SH3BP5: variants seen among roughly 807,000 people sequenced by gnomAD.
The protein encoded by SH3BP5 is SH3 domain-binding protein 5.
In SH3BP5, 22 loss-of-function variants were observed where a neutral mutation model predicts 43.3. The ratio of observed to expected loss-of-function variants is 0.51; its 90% confidence interval spans 0.36 to 0.73. The LOEUF (loss-of-function observed/expected upper bound fraction) is 0.73, where lower values mean the gene tolerates loss of function less well. Ranked by LOEUF, SH3BP5 falls within the 30% of genes least tolerant of loss-of-function variation. The pLI, the probability that SH3BP5 is intolerant of heterozygous loss-of-function variation, is 0.00. For synonymous variants in SH3BP5, 255 were observed against 225.8 expected, an observed-to-expected ratio of 1.13 and a Z score of -1.16; for missense variants, 529 against 586.9, an observed-to-expected ratio of 0.90 and a Z score of 1.02.
At chr3:15,320,640 A>ACACACACACACACACCCCC (rs373879792) in intron 2 of SH3BP5, among the ~76,000 whole-genome samples, 1 of 149,560 alleles carries the variant, frequency 6.7e-6, no homozygotes, top group African/African-American at 2.5e-5. Flanking sequence ...ACACACACAC[A>ACACACACACACACACCCCC]CCCCACTACG....
chr3:15,340,682 C>T (rs747375671), intron 1 of SH3BP5, among the ~76,000 whole-genome samples: 2 of 151,956 alleles, frequency 1.3e-5, no homozygotes, highest in African/African-American at 2.4e-5. Flanking sequence ...ACTCCATAGG[C>T]GGAGGTTGCA....
chr3:15,296,339 T>TATAC (rs1553616948), intron 3 of SH3BP5, among the ~76,000 whole-genome samples: 1 of 126,492 alleles, frequency 7.9e-6, no homozygotes, highest in Admixed American at 7.2e-5. Context: ...GGGGAAATCA[T>TATAC]ATACACACAC....
At chr3:15,305,631 G>T (rs1410856550) in intron 2 of SH3BP5, among the ~76,000 whole-genome samples, 1 of 152,176 alleles carries the variant, frequency 6.6e-6, no homozygotes, top group Admixed American at 6.5e-5. Flanking sequence ...GGAAATTGGG[G>T]GAGGGGAGGA....
Position 15,254,710 on chromosome 3 carries a change from A to G in SH3BP5, c.*1376T>C, listed in dbSNP as rs1482853732. ...TCAAACCTTGGTAAACAAGGCTTAA[A>G]TTATTACTGTTCATGACCTTAATTA... On this transcript the variant is annotated 3_prime_UTR_variant, in exon 9 of 9. Coordinates refer to ENST00000383791, the MANE Select transcript of SH3BP5 (RefSeq NM_004844.5). 1.3e-5 allele frequency: 2 copies of G among 152,152 alleles called. No individual in the cohort carries two copies. Among genetic ancestry groups the G allele is most frequent in the Admixed American group, 6.5e-5 (1 of 15,292 alleles). 9.4% of individuals were successfully genotyped at this position (152,152 alleles called of 1,614,324 possible).
At chr3:15,311,785 T>C (rs1698065188) in intron 2 of SH3BP5, among the ~76,000 whole-genome samples, 1 of 152,108 alleles carries the variant, frequency 6.6e-6, no homozygotes, top group Non-Finnish European at 1.5e-5. Flanking sequence ...GCAATGCCCC[T>C]ACCTCAGCCT....
At chr3:15,304,572 T>TA (rs1697846069) in intron 2 of SH3BP5, among the ~76,000 whole-genome samples, 1 of 152,154 alleles carries the variant, frequency 6.6e-6, no homozygotes, top group South Asian at 2.1e-4. Flanking sequence ...CCCAGCACTT[T>TA]GGGAGGCCGA....
intron 3 of SH3BP5, among the ~76,000 whole-genome samples, chr3:15,288,537 C>T (rs1044686156): frequency 1.3e-5 from 2 of 152,244 alleles, no homozygotes; most frequent in East Asian, 1.9e-4. Context: ...GTGAGTGGAT[C>T]GCTTCAGCTC....
At chr3:15,337,454 T>C (rs923161201), upstream of SH3BP5, among the ~76,000 whole-genome samples, 7 of 152,230 alleles carry the variant, frequency 4.6e-5, no homozygotes, top group Admixed American at 2.0e-4. Context: ...GTATTTTTGT[T>C]CTGTTTTTTG....
chr3:15,328,127 G>A (rs1698510856), intron 2 of SH3BP5, among the ~76,000 whole-genome samples: 1 of 152,012 alleles, frequency 6.6e-6, no homozygotes, highest in Admixed American at 6.6e-5. Flanking sequence ...CAGCAACCCA[G>A]CCCAGCCCTG....
At chr3:15,279,125 G>A (rs952561563) in intron 3 of SH3BP5, among the ~76,000 whole-genome samples, 1 of 152,054 alleles carries the variant, frequency 6.6e-6, no homozygotes, top group African/African-American at 2.4e-5. Flanking sequence ...AGCCGAGATC[G>A]CACCACTGCA....
intron 1 of SH3BP5, among the ~76,000 whole-genome samples, chr3:15,338,546 C>T (rs751747529): frequency 6.6e-6 from 1 of 152,102 alleles, no homozygotes; most frequent in Non-Finnish European, 1.5e-5. Flanking sequence ...AAACTGGAAG[C>T]GACTGGTGGG....
At chr3:15,264,927 A>G (rs192051115) in intron 4 of SH3BP5, among the ~76,000 whole-genome samples, 1 of 152,080 alleles carries the variant, frequency 6.6e-6, no homozygotes, top group Non-Finnish European at 1.5e-5. Flanking sequence ...GTCAGAATGC[A>G]TTTTCAACAG....
intron 2 of SH3BP5, among the ~76,000 whole-genome samples, chr3:15,329,512 G>C (rs1275623168): frequency 6.6e-6 from 1 of 152,212 alleles, no homozygotes; most frequent in Non-Finnish European, 1.5e-5. Flanking sequence ...CAGAGCAACA[G>C]GCTTTTTCAT....
Position 15,259,141 on chromosome 3 carries a change from T to A in SH3BP5, c.670-91A>T, listed in dbSNP as rs900953269. On this transcript the variant is annotated intron_variant, in intron 6 of 8. Transcript: ENST00000383791. ...CAGGTTCAAGTACATTTTCTGCCCA[T>A]CATTCTACTTCAAGGAATTTTCCAA... 4.0e-6 allele frequency: 4 copies of A among 1,000,278 alleles called. No homozygotes were observed. In the Admixed American group the frequency reaches 8.6e-5, roughly 21 times the overall value. The allele number at this position is 1,000,278 out of a possible 1,614,324, so 62.0% of individuals were successfully genotyped here.
At chr3:15,264,912 G>A (rs1470374972) in intron 4 of SH3BP5, among the ~76,000 whole-genome samples, 1 of 151,986 alleles carries the variant, frequency 6.6e-6, no homozygotes, top group East Asian at 1.9e-4. Context: ...TACCTTTAAG[G>A]AGCTGTCAGA....
At chr3:15,266,986 T>A (rs1416637791) in intron 4 of SH3BP5, among the ~76,000 whole-genome samples, 1 of 152,244 alleles carries the variant, frequency 6.6e-6, no homozygotes, top group African/African-American at 2.4e-5. Flanking sequence ...CCTGGGCCTT[T>A]CTGAGCACGG....
intron 8 of SH3BP5, 177 bp downstream of exon 8, chr3:15,256,676 G>A (rs1559421260): frequency 1.4e-6 from 1 of 707,202 alleles, no homozygotes; most frequent in East Asian, 2.7e-5. Context: ...GGAGCCAGGA[G>A]CCCCCCCAGA....
intron 4 of SH3BP5, among the ~76,000 whole-genome samples, chr3:15,265,412 A>G (rs1338069333): frequency 6.6e-6 from 1 of 151,648 alleles, no homozygotes; most frequent in African/African-American, 2.4e-5. Context: ...GCTCCTCAGG[A>G]GGCTGAGGCA....
intron 2 of SH3BP5, among the ~76,000 whole-genome samples, chr3:15,307,469 C>T (rs1024517186): frequency 9.9e-5 from 15 of 152,174 alleles, no homozygotes; most frequent in Admixed American, 2.6e-4. Flanking sequence ...TAATCAGGGC[C>T]GTCTCTATGA....
Sources: allele counts gnomAD v4.1 joint callset (sites outside exome capture counted in the v4.1 genomes callset), GRCh38; gene constraint gnomAD v4.1.1; transcripts MANE v1.5; gene names NCBI Gene and HGNC (gene_info 2026-07-23, HGNC 2026-07-21).